Variants in TSPAN9 observed in about 807,000 individuals in gnomAD.
TSPAN9 encodes tetraspanin 9.
In TSPAN9, 16 loss-of-function variants were observed where a neutral mutation model predicts 31.0. The ratio of observed to expected loss-of-function variants is 0.52; its 90% confidence interval spans 0.35 to 0.78. TSPAN9 has a LOEUF of 0.78. TSPAN9 is among the 30% of genes least tolerant of loss of function. The pLI is 0.01. For synonymous variants in TSPAN9, 145 were observed against 121.6 expected, an observed-to-expected ratio of 1.19 and a Z score of -1.27; for missense variants, 272 against 312.5, an observed-to-expected ratio of 0.87 and a Z score of 0.98.
chr12:3,268,773 CCTCT>C (rs1380436244), intron 3 of TSPAN9, among the ~76,000 whole-genome samples: 1 of 96,426 alleles, frequency 1.0e-5, no homozygotes, highest in East Asian at 4.0e-4. Flanking sequence ...TGCAGCCTGC[CCTCT>C]CTGTGTTCCT....
chr12:3,151,793 T>G (rs11062535), intron 2 of TSPAN9, among the ~76,000 whole-genome samples: 12,477 of 152,086 alleles, frequency 0.082, 538 homozygotes, highest in East Asian at 0.14. Context: ...AACCGTGGTG[T>G]GCGCCTGTAC....
chr12:3,232,233 T>G lies in TSPAN9; in HGVS notation c.63+30977T>G, dbSNP rs1265563184. On this transcript the variant is annotated intron_variant, in intron 3 of 8. Transcript: ENST00000011898. Reference sequence around the variant, plus strand: ...CTGAGAAATGTGTATAGTTTTCTCTTAAAAATATCTCCTCTCTTGATCGCT... The same window carrying G: ...CTGAGAAATGTGTATAGTTTTCTCTGAAAAATATCTCCTCTCTTGATCGCT... Among the ~76,000 whole-genome samples, 4 of 152,204 alleles carry G rather than the reference T, an allele frequency of 2.6e-5. No individual in the cohort carries two copies. In the East Asian group the frequency reaches 7.7e-4, roughly 29 times the overall value.
intron 2 of TSPAN9, among the ~76,000 whole-genome samples, chr12:3,096,912 A>G (rs2098309379): frequency 6.6e-6 from 1 of 151,950 alleles, no homozygotes; most frequent in Admixed American, 6.6e-5. Context: ...GTTAGCCAGG[A>G]TGGTCTCGAT....
At chr12:3,223,559 G>A (rs1487417380) in intron 3 of TSPAN9, among the ~76,000 whole-genome samples, 7 of 152,164 alleles carry the variant, frequency 4.6e-5, no homozygotes, top group Admixed American at 1.3e-4. Flanking sequence ...GCACGTGTGC[G>A]TGTCTGTGCT....
intron 2 of TSPAN9, among the ~76,000 whole-genome samples, chr12:3,163,980 T>C (rs1232026091): frequency 6.6e-6 from 1 of 152,154 alleles, no homozygotes; most frequent in Non-Finnish European, 1.5e-5. Context: ...AGGCCACTCC[T>C]TCACCCCAGT....
intron 1 of TSPAN9, among the ~76,000 whole-genome samples, chr12:3,079,944 A>ATT (rs1365173743): frequency 2.3e-5 from 3 of 130,124 alleles, no homozygotes; most frequent in Non-Finnish European, 5.3e-5. Context: ...TAATTAAAAA[A>ATT]ATTTTTTTTT....
At chr12:3,191,661 T>C (rs1032616668) in intron 2 of TSPAN9, among the ~76,000 whole-genome samples, 1 of 152,178 alleles carries the variant, frequency 6.6e-6, no homozygotes, top group Admixed American at 6.5e-5. Context: ...TCCCTTGAGC[T>C]CCTCTGCATG....
chr12:3,238,805 C>G (rs950272064), intron 3 of TSPAN9, among the ~76,000 whole-genome samples: 2 of 152,230 alleles, frequency 1.3e-5, no homozygotes, highest in Admixed American at 6.5e-5. Flanking sequence ...TGCTTGGCGT[C>G]TGTTGAACTG....
At chr12:3,089,299 ATT>A (rs71057897) in intron 2 of TSPAN9, among the ~76,000 whole-genome samples, 3 of 128,878 alleles carry the variant, frequency 2.3e-5, no homozygotes, top group African/African-American at 5.8e-5. Flanking sequence ...TTCAAGGTGA[ATT>A]TTTTTTTTTT....
chr12:3,274,000 G>A (rs1261565943), intron 3 of TSPAN9, among the ~76,000 whole-genome samples: 1 of 152,218 alleles, frequency 6.6e-6, no homozygotes. Context: ...TTCTCAAGAT[G>A]TTGGCAGCCC....
chr12:3,204,321 G>A (rs34387578), intron 3 of TSPAN9, among the ~76,000 whole-genome samples: 1 of 152,226 alleles, frequency 6.6e-6, no homozygotes. Context: ...GAGAGGTGCA[G>A]CTGTCGTACA....
intron 3 of TSPAN9, among the ~76,000 whole-genome samples, chr12:3,255,575 C>T (rs1044564811): frequency 1.3e-5 from 2 of 152,166 alleles, no homozygotes; most frequent in African/African-American, 2.4e-5. Context: ...GAGGACGGCA[C>T]GGGGGCCTGT....
At chr12:3,138,883 A>C (rs2098333405) in intron 2 of TSPAN9, among the ~76,000 whole-genome samples, 1 of 152,144 alleles carries the variant, frequency 6.6e-6, no homozygotes, top group South Asian at 2.1e-4. Context: ...CCCTGTGGGC[A>C]GGGTGGGTCC....
chr12:3,084,887 C>A (rs537280112), intron 2 of TSPAN9, among the ~76,000 whole-genome samples: 3 of 152,190 alleles, frequency 2.0e-5, no homozygotes, highest in African/African-American at 4.8e-5. Flanking sequence ...TCTGGGAATC[C>A]GCTCCAGGTC....
rs1294318613 is a variant in TSPAN9, at chr12:3,241,235, C to T, written c.64-37186C>T. ...GACAATTAAAAGCAATTTAGGTGTCCCACATTAGGGAGAATGGCTAAGTAA... is the reference window on the plus strand; with the variant it reads ...GACAATTAAAAGCAATTTAGGTGTCTCACATTAGGGAGAATGGCTAAGTAA... On this transcript the variant is annotated intron_variant, in intron 3 of 8. Coordinates refer to ENST00000011898, the MANE Select transcript of TSPAN9 (RefSeq NM_006675.5). Among the ~76,000 whole-genome samples, 5 of 152,044 alleles carry T rather than the reference C, an allele frequency of 3.3e-5. No individual in the cohort carries two copies. The East Asian group carries it at 9.6e-4, about 29-fold the overall frequency.
At chr12:3,274,513 T>G (rs2153980396) in intron 3 of TSPAN9, among the ~76,000 whole-genome samples, 1 of 152,178 alleles carries the variant, frequency 6.6e-6, no homozygotes, top group East Asian at 1.9e-4. Flanking sequence ...ACATGGGACC[T>G]GTGGCGAAGG....
At position 3,280,567 on chromosome 12, in the gene TSPAN9, G is replaced by C; in HGVS notation, c.432+84G>C. The C allele has an allele frequency of 7.8e-7, 1 of 1,288,052 alleles. No individual in the cohort carries two copies. Among genetic ancestry groups the C allele is most frequent in the South Asian group, 1.3e-5 (1 of 79,204 alleles). The allele number at this position is 1,288,052 out of a possible 1,614,324, so 79.8% of individuals were successfully genotyped here. A position where few individuals can be genotyped will look rare whatever the true frequency, so the allele number is the denominator to read the frequency against. ...TCTAGCTGCCTTCCCCGGTGACCTG[G>C]CCGGGCACCTGTGCTTTCTGGATTT... On this transcript the variant is annotated intron_variant, in intron 6 of 8. Coordinates refer to ENST00000011898, the MANE Select transcript of TSPAN9 (RefSeq NM_006675.5). This position sits in a 1 kb window ranked among gnomAD's most constrained non-coding sequence, Gnocchi z 4.5.
intron 3 of TSPAN9, among the ~76,000 whole-genome samples, chr12:3,260,103 C>T (rs1249395803): frequency 2.0e-5 from 3 of 152,324 alleles, no homozygotes; most frequent in East Asian, 3.9e-4. Flanking sequence ...CAAGGGGGCA[C>T]GTGGGTGCAG....
intron 3 of TSPAN9, among the ~76,000 whole-genome samples, chr12:3,263,152 C>T (rs754567883): frequency 6.6e-6 from 1 of 152,234 alleles, no homozygotes; most frequent in African/African-American, 2.4e-5. Context: ...GGACTCATAG[C>T]AGTTGCCTTA....
Sources: gnomAD v4.1 joint callset for allele counts (sites outside exome capture counted in the v4.1 genomes callset) on GRCh38, gnomAD v4.1.1 for gene constraint, Gnocchi (gnomAD v3.1) non-coding constraint, MANE v1.5 for transcripts, NCBI Gene and HGNC (gene_info 2026-07-23, HGNC 2026-07-21) for gene names.